The following ARHGAP21 variants were observed in gnomAD, a reference collection of about 807,000 sequenced individuals.
ARHGAP21 encodes the protein Rho GTPase activating protein 21, also known as rho GTPase-activating protein 21.
A neutral mutation model predicts 164.6 loss-of-function variants in ARHGAP21; 38 were observed. That is an observed-to-expected ratio of 0.23 (90% CI 0.18 to 0.30). The LOEUF is 0.30. Ranked by LOEUF, ARHGAP21 falls within the 10% of genes least tolerant of loss-of-function variation. ARHGAP21 has a pLI of 1.00. For missense variants in ARHGAP21, 1,822 were observed against 2,370.7 expected (o/e 0.77, Z 4.81); for synonymous variants, 766 against 857.9 (o/e 0.89, Z 1.87).
intron 4 of ARHGAP21, among the ~76,000 whole-genome samples, chr10:24,656,198 A>G (rs1368646233): frequency 1.2e-3 from 138 of 110,968 alleles, no homozygotes; most frequent in African/African-American, 4.7e-3. Context: ...CAGCCGCCCC[A>G]TCCGGGAGGG....
chr10:24,597,629 C>G (rs761264331), intron 15 of ARHGAP21, 46 bp from the exon 16 acceptor site: 1 of 1,604,572 alleles, frequency 6.2e-7, no homozygotes, highest in Admixed American at 1.7e-5. Flanking sequence ...TAATCCCCCT[C>G]TATCTATGGT....
At chr10:24,594,514 A>G (rs974834400) in intron 21 of ARHGAP21, among the ~76,000 whole-genome samples, 1 of 152,150 alleles carries the variant, frequency 6.6e-6, no homozygotes, top group Non-Finnish European at 1.5e-5. Flanking sequence ...TGTGAACTGA[A>G]TATTAGACAA....
At chr10:24,596,351 GGA>G in intron 17 of ARHGAP21, 1 of 436,484 alleles carries the variant, frequency 2.3e-6, no homozygotes, top group East Asian at 3.8e-5. Context: ...GAAAAGAGGA[GGA>G]GAGAGTAATA....
At chr10:24,622,867 C>T (rs1228932679) in intron 7 of ARHGAP21, 105 bp from the exon 8 acceptor site, 9 of 1,128,580 alleles carry the variant, frequency 8.0e-6, no homozygotes, top group Non-Finnish European at 1.0e-5. Flanking sequence ...TACATCTATA[C>T]TTGTTTCTCT....
chr10:24,635,255 G>T (rs147355789), intron 4 of ARHGAP21, 152 bp from the exon 5 acceptor site: 3 of 505,892 alleles, frequency 5.9e-6, no homozygotes, highest in East Asian at 3.2e-5. Flanking sequence ...ATAATGTAGG[G>T]GTTTTCATTT....
At position 24,584,642 on chromosome 10, in the gene ARHGAP21, T is replaced by C; in HGVS notation, c.5647A>G (p.Ile1883Val). The change falls in exon 26 of 26, where the codon ATA becomes GTA. Residue 1883 changes from isoleucine (I) to valine (V), a missense_variant. Coordinates refer to ENST00000396432, the MANE Select transcript of ARHGAP21 (RefSeq NM_020824.4). ...GACAAAGGTGTGTCGGTCGTGGCTA[T>C]TTCTCGTGTGCTTGGGTTCTCTGTC... Reference protein sequence around the residue: ...PQTENPSTREIATTDTPLSLH... With the variant: ...PQTENPSTREVATTDTPLSLH... 1.9e-6 allele frequency: 3 copies of C among 1,614,010 alleles called. No homozygotes were observed. The highest frequency in any genetic ancestry group is 1.7e-4 in the Middle Eastern group (1 of 6,056).
At chr10:24,690,554 C>T (rs919405846) in intron 2 of ARHGAP21, among the ~76,000 whole-genome samples, 4 of 152,154 alleles carry the variant, frequency 2.6e-5, no homozygotes, top group African/African-American at 7.2e-5. Flanking sequence ...ACAGGATGGG[C>T]GTGGTGGCTC....
intron 2 of ARHGAP21, among the ~76,000 whole-genome samples, chr10:24,674,764 C>T (rs916338557): frequency 2.6e-5 from 4 of 152,002 alleles, no homozygotes; most frequent in Non-Finnish European, 4.4e-5. Flanking sequence ...TTTATGAAAA[C>T]GAAAAGGCAA....
chr10:24,630,052 T>C lies in ARHGAP21; in HGVS notation c.441-2A>G. The C allele has an allele frequency of 6.6e-7, 1 of 1,515,584 alleles. No individual in the cohort carries two copies. Among genetic ancestry groups the C allele is most frequent in the Non-Finnish European group, 8.9e-7 (1 of 1,123,178 alleles). The allele number at this position is 1,515,584 out of a possible 1,614,324, so 93.9% of individuals were successfully genotyped here. On this transcript the variant is annotated splice_acceptor_variant, in intron 6 of 25. Transcript: ENST00000396432. LOFTEE classifies it high-confidence loss of function. ...ACACTAAGTTCCAATGTTGTATCAC[T>C]GAAATTGAATTATATACTATTTTAG... is the stretch of plus-strand genomic sequence containing the variant.
At position 24,619,986 on chromosome 10, in the gene ARHGAP21, A is replaced by G. The variant is rs776832935; in HGVS notation, c.1909T>C (p.Ser637Pro). Residue 637 changes from serine to proline, a missense_variant, in exon 9 of 26, where the codon TCA becomes CCA. By Grantham distance (74) the Ser-to-Pro change is moderately conservative. Around this residue, in one of 5 missense-constraint regions of ARHGAP21, gnomAD observed 1,090 missense variants for 1,378.9 expected, o/e 0.79. Coordinates refer to ENST00000396432, the MANE Select transcript of ARHGAP21 (RefSeq NM_020824.4). The stretch of plus-strand genomic sequence containing the variant: ...GAAACAAATGATTTCTGGCTAAATG[A>G]TGGTTTTGTGACATGCGTGGAAGGA... The part of the protein sequence containing the change: ...KAPSTHVTKP[S>P]FSQKSFVSIK... 6.8e-6 allele frequency: 11 copies of G among 1,613,854 alleles called. No homozygotes were observed. In the African/African-American group the frequency reaches 1.3e-4, roughly 20 times the overall value.
chr10:24,678,605 T>A (rs1841491016), intron 2 of ARHGAP21, among the ~76,000 whole-genome samples: 1 of 152,140 alleles, frequency 6.6e-6, no homozygotes, highest in East Asian at 1.9e-4. Context: ...GATCAAGCAA[T>A]CCTCCCACCT....
chr10:24,605,960 T>C (rs1286491826), intron 11 of ARHGAP21, among the ~76,000 whole-genome samples: 2 of 152,094 alleles, frequency 1.3e-5, no homozygotes, highest in South Asian at 4.1e-4. Context: ...TAAATACATA[T>C]GACTTAGTAT....
Position 24,670,289 on chromosome 10 carries a change from G to C in ARHGAP21, c.172C>G (p.Gln58Glu), listed in dbSNP as rs1468829118. 1 of 1,609,622 alleles carries C rather than the reference G, an allele frequency of 6.2e-7. No individual in the cohort carries two copies. Among genetic ancestry groups the C allele is most frequent in the African/African-American group, 1.3e-5 (1 of 74,796 alleles). ...TGTCTTAATGTAAAACCAAAGCCTTGAGATGTTCTTTTCAACGTAACTGTT... is the reference window on the plus strand; with the variant it reads ...TGTCTTAATGTAAAACCAAAGCCTTCAGATGTTCTTTTCAACGTAACTGTT... ...PKTVTLKRTS[Q>E]GFGFTLRHFI... Residue 58 changes from glutamine to glutamate, a missense_variant, in exon 3 of 26, where the codon CAA becomes GAA. Physicochemically the swap from Gln to Glu is conservative, Grantham distance 29. This residue lies in a region of ARHGAP21 where 1,090 missense variants were observed against 1,378.9 expected (regional missense o/e 0.79). Transcript: ENST00000396432.
chr10:24,628,761 G>T (rs1180134960), intron 7 of ARHGAP21, among the ~76,000 whole-genome samples: 1 of 118,688 alleles, frequency 8.4e-6, no homozygotes, highest in African/African-American at 3.0e-5. Context: ...ATATGTGTGT[G>T]TGTGTGTGTG....
chr10:24,686,250 G>A (rs777908266), intron 2 of ARHGAP21, among the ~76,000 whole-genome samples: 5 of 151,994 alleles, frequency 3.3e-5, no homozygotes, highest in Non-Finnish European at 7.4e-5. Flanking sequence ...GTAACATGAT[G>A]AGGCCCTGTC....
Position 24,584,813 on chromosome 10 carries a change from C to G in ARHGAP21, c.5476G>C (p.Gly1826Arg), listed in dbSNP as rs370251256. 4 of 1,613,828 alleles carry G rather than the reference C, an allele frequency of 2.5e-6. No individual in the cohort carries two copies. Among genetic ancestry groups the G allele is most frequent in the African/African-American group, 1.3e-5 (1 of 74,898 alleles). Residue 1826 changes from glycine (G) to arginine (R), a missense_variant, in exon 26 of 26, where the codon GGG (glycine) becomes CGG (arginine). Gly to Arg is a moderately radical substitution (Grantham distance 125). This residue lies in a region of ARHGAP21 where 165 missense variants were observed against 176.6 expected (regional missense o/e 0.93). Transcript: ENST00000396432. ...GCTGAAAGTTCAGATTCTCTCTCCC[C>G]GCTCTGCTCATGCACTTTCCAAAAA... ...LNFWKVHEQS[G>R]ERESELSAVN...
At chr10:24,719,015 T>TA (rs1845661304) in intron 2 of ARHGAP21, among the ~76,000 whole-genome samples, 1 of 151,806 alleles carries the variant, frequency 6.6e-6, no homozygotes, top group East Asian at 1.9e-4. Context: ...GATAATATCA[T>TA]AGAGGATTCA....
At chr10:24,659,102 T>C (rs2131644933) in intron 4 of ARHGAP21, among the ~76,000 whole-genome samples, 1 of 152,248 alleles carries the variant, frequency 6.6e-6, no homozygotes, top group African/African-American at 2.4e-5. Flanking sequence ...ATAGAAATGG[T>C]ATAGCCACTG....
intron 14 of ARHGAP21, among the ~76,000 whole-genome samples, chr10:24,599,185 A>C (rs1283929667): frequency 1.3e-5 from 2 of 152,224 alleles, no homozygotes; most frequent in Admixed American, 6.5e-5. Context: ...AACAGCCACT[A>C]TGTGTCACAG....
Sources: gnomAD v4.1 joint callset for allele counts (sites outside exome capture counted in the v4.1 genomes callset) on GRCh38, gnomAD v4.1.1 for gene constraint, gnomAD v4.1.1 regional missense constraint, MANE v1.5 for transcripts, NCBI Gene and HGNC (gene_info 2026-07-23, HGNC 2026-07-21) for gene names.